The following RNF150 variants were observed in gnomAD, a reference collection of about 807,000 sequenced individuals.
RNF150 encodes the protein ring finger protein 150.
A neutral mutation model predicts 39.3 loss-of-function variants in RNF150; 24 were observed. The ratio of observed to expected loss-of-function variants is 0.61; its 90% CI spans 0.44 to 0.86. The LOEUF (loss-of-function observed/expected upper bound fraction) is 0.86. Among genes scored for constraint, RNF150 ranks in the 40% least tolerant of loss-of-function variants. The probability of loss-of-function intolerance (pLI) is 0.00; values close to 1 mark genes in which losing one functional copy is unlikely to be tolerated. For synonymous variants in RNF150, 255 were observed against 227.3 expected, an observed-to-expected ratio of 1.12 and a Z score of -1.10; for missense variants, 502 against 587.8, an observed-to-expected ratio of 0.85 and a Z score of 1.51.
At chr4:141,076,227 C>T (rs1234753253) in intron 1 of RNF150, among the ~76,000 whole-genome samples, 2 of 152,140 alleles carry the variant, frequency 1.3e-5, no homozygotes, top group African/African-American at 2.4e-5. Context: ...TGTTCTAATG[C>T]CCTTCTCCAT....
At chr4:141,122,671 T>C (rs1726645142) in intron 1 of RNF150, among the ~76,000 whole-genome samples, 1 of 152,200 alleles carries the variant, frequency 6.6e-6, no homozygotes. Context: ...CACAAATATC[T>C]TGGAAGAACC....
rs570757369 is a variant in RNF150 at position 141,086,323 on chromosome 4, G to T, written c.484+46002C>A. The stretch of plus-strand genomic sequence containing the variant: ...AAAAGTTTCATAGTGAGTCTACTAG[G>T]TTTTCTTTTTTTGTTTAAGATCTAC... On this transcript the variant is annotated intron_variant, in intron 1 of 6. Transcript: ENST00000515673. 8.8e-4 allele frequency among the ~76,000 whole-genome samples: 134 copies of T among 152,060 alleles called. 1 individual carries two copies. The highest frequency in any genetic ancestry group is 3.0e-3 in the African/African-American group (124 of 41,472).
chr4:140,930,864 C>T (rs1731604216), intron 4 of RNF150, among the ~76,000 whole-genome samples: 1 of 152,056 alleles, frequency 6.6e-6, no homozygotes, highest in Admixed American at 6.5e-5. Flanking sequence ...AAGGCCCTGC[C>T]CTTTAAGGCA....
chr4:141,118,430 T>C (rs1726498337), intron 1 of RNF150, among the ~76,000 whole-genome samples: 1 of 152,194 alleles, frequency 6.6e-6, no homozygotes, highest in South Asian at 2.1e-4. Context: ...ATGGTATCTA[T>C]TCAAACTGCC....
intron 1 of RNF150, among the ~76,000 whole-genome samples, chr4:141,064,861 T>TTTTG (rs1053471114): frequency 5.3e-5 from 8 of 151,938 alleles, no homozygotes; most frequent in African/African-American, 1.9e-4. Context: ...GCCTGACAAT[T>TTTTG]TTTGTTTGTT....
At position 141,132,877 on chromosome 4, in the gene RNF150, G is replaced by A; in HGVS notation, c.-69C>T. 7.5e-7 allele frequency: 1 copy of A among 1,334,508 alleles called. No homozygotes were observed. Among genetic ancestry groups the A allele is most frequent in the Non-Finnish European group, 1.0e-6 (1 of 954,340 alleles). 82.7% of individuals were successfully genotyped at this position (1,334,508 alleles called of 1,614,324 possible). A position where few individuals can be genotyped will look rare whatever the true frequency, so the allele number is the denominator to read the frequency against. ...CGTCCCGTCCCTCCTCCCCAGCCCC[G>A]GCCAACCCCGGGCCGCTGCCTCTCC... is the stretch of plus-strand genomic sequence containing the variant. On this transcript the variant is annotated 5_prime_UTR_variant, in exon 1 of 7. Coordinates refer to ENST00000515673, the MANE Select transcript of RNF150 (RefSeq NM_020724.2). The surrounding 1 kb of genome is among the most constrained non-coding windows in gnomAD (Gnocchi z 4.9).
intron 1 of RNF150, among the ~76,000 whole-genome samples, chr4:141,097,673 C>A (rs1036668256): frequency 2.0e-5 from 3 of 151,696 alleles, no homozygotes; most frequent in Non-Finnish European, 4.4e-5. Context: ...TAACTTATGT[C>A]TTTGATTAAT....
chr4:141,040,798 G>T (rs775956848), intron 1 of RNF150, among the ~76,000 whole-genome samples: 4 of 152,064 alleles, frequency 2.6e-5, no homozygotes, highest in Non-Finnish European at 5.9e-5. Flanking sequence ...TGGTCAGTAG[G>T]TGGAAACATA....
At chr4:140,887,150 C>T (rs927819136) in intron 6 of RNF150, among the ~76,000 whole-genome samples, 4 of 152,138 alleles carry the variant, frequency 2.6e-5, no homozygotes, top group African/African-American at 9.7e-5. Flanking sequence ...GATTTGAATG[C>T]CAGGCTAAAT....
intron 2 of RNF150, among the ~76,000 whole-genome samples, chr4:140,959,758 G>C (rs183625275): frequency 6.6e-6 from 1 of 152,114 alleles, no homozygotes; most frequent in South Asian, 2.1e-4. Flanking sequence ...CACTGGGAAG[G>C]CAAGGTGTAA....
chr4:141,072,835 T>C (rs565386110), intron 1 of RNF150, among the ~76,000 whole-genome samples: 2 of 152,214 alleles, frequency 1.3e-5, no homozygotes, highest in South Asian at 4.2e-4. Flanking sequence ...CTAAATCACC[T>C]CCCAGAATCA....
At chr4:140,874,433 C>A (rs1729068081) in intron 6 of RNF150, among the ~76,000 whole-genome samples, 1 of 152,190 alleles carries the variant, frequency 6.6e-6, no homozygotes, top group African/African-American at 2.4e-5. Flanking sequence ...AAAGAGGAGG[C>A]ACTTGGTAAA....
intron 6 of RNF150, among the ~76,000 whole-genome samples, chr4:140,887,710 G>C (rs1205408748): frequency 1.3e-5 from 2 of 152,092 alleles, no homozygotes; most frequent in Non-Finnish European, 2.9e-5. Context: ...GAAACACAAA[G>C]TCTGGTTTAA....
intron 1 of RNF150, among the ~76,000 whole-genome samples, chr4:141,124,307 T>C (rs1357548159): frequency 2.0e-5 from 3 of 152,160 alleles, no homozygotes; most frequent in Non-Finnish European, 2.9e-5. Context: ...AATAAACATG[T>C]TAATGGTGGG....
intron 1 of RNF150, among the ~76,000 whole-genome samples, chr4:141,106,701 G>A (rs1180138271): frequency 2.0e-5 from 3 of 152,090 alleles, no homozygotes; most frequent in Non-Finnish European, 4.4e-5. Flanking sequence ...GGGTGAGGCA[G>A]GAGAATTGCT....
At position 140,921,230 on chromosome 4, in the gene RNF150, TAAAG is replaced by T. The variant is rs1341618107; in HGVS notation, c.987+4743_987+4746del. Among the ~76,000 whole-genome samples, 11 of 150,954 alleles carry T rather than the reference TAAAG, an allele frequency of 7.3e-5. 1 individual carries two copies. Among genetic ancestry groups the T allele is most frequent in the Admixed American group, 2.6e-4 (4 of 15,156 alleles). On this transcript the variant is annotated intron_variant, in intron 5 of 6. Transcript: ENST00000515673. ...ATTGATAGACCGCTAGCAAGACTAA[TAAAG>T]AAGAAAAGAGAGAAGAATCAAATAG...
intron 1 of RNF150, among the ~76,000 whole-genome samples, chr4:141,008,846 T>TCTC (rs1467790421): frequency 1.3e-5 from 2 of 150,260 alleles, no homozygotes; most frequent in Non-Finnish European, 3.0e-5. Context: ...TCTTCTTCCT[T>TCTC]CTCCTTCTTC....
intron 6 of RNF150, among the ~76,000 whole-genome samples, chr4:140,873,683 T>C (rs551517498): frequency 2.0e-5 from 3 of 152,138 alleles, no homozygotes; most frequent in African/African-American, 4.8e-5. Flanking sequence ...CTGTATTTTA[T>C]TTTTTTATTT....
At chr4:141,040,389 C>G (rs1222126923) in intron 1 of RNF150, among the ~76,000 whole-genome samples, 1 of 152,152 alleles carries the variant, frequency 6.6e-6, no homozygotes, top group Non-Finnish European at 1.5e-5. Flanking sequence ...AGGTGTATCA[C>G]TTTGTGCACA....
Sources: gnomAD v4.1 joint callset for allele counts (sites outside exome capture counted in the v4.1 genomes callset) on GRCh38, gnomAD v4.1.1 for gene constraint, Gnocchi (gnomAD v3.1) non-coding constraint, MANE v1.5 for transcripts, NCBI Gene and HGNC (gene_info 2026-07-23, HGNC 2026-07-21) for gene names.